Variants in PNPT1 observed in about 807,000 individuals in gnomAD.
PNPT1 encodes the protein polyribonucleotide nucleotidyltransferase 1.
Under a neutral mutation model 119.5 loss-of-function variants are expected in PNPT1, and 53 were observed. The observed-to-expected ratio is 0.44, with a 90% CI of 0.36 to 0.56. PNPT1 has a LOEUF of 0.56. Ranked by LOEUF, PNPT1 falls within the 20% of genes least tolerant of loss-of-function variation. The pLI is 0.00. For synonymous variants in PNPT1, 357 were observed against 322.1 expected (o/e 1.11, Z -1.16); for missense variants, 948 against 938.5 (o/e 1.01, Z -0.13).
Position 55,687,676 on chromosome 2 carries a change from G to A in PNPT1, c.191C>T (p.Ala64Val). 1 of 1,598,802 alleles carries A rather than the reference G, an allele frequency of 6.3e-7. No individual in the cohort carries two copies. The highest frequency in any genetic ancestry group is 8.5e-7 in the Non-Finnish European group (1 of 1,174,856). The change falls in exon 2 of 28, where the codon GCC becomes GTC. Residue 64 changes from alanine to valine, a missense_variant. Coordinates refer to ENST00000447944, the MANE Select transcript of PNPT1 (RefSeq NM_033109.5). ...RKLEISSGKLARFADGSAVVQ... is the reference protein window; with the variant it reads ...RKLEISSGKLVRFADGSAVVQ... ...TACAGCAGAGCCATCTGCAAATCTG[G>A]CCAGCTTTCCAGAAGATATTTCTAA...
intron 14 of PNPT1, among the ~76,000 whole-genome samples, chr2:55,660,921 A>G (rs1696547689): frequency 6.6e-6 from 1 of 152,060 alleles, no homozygotes; most frequent in Non-Finnish European, 1.5e-5. Context: ...GCTACTAGGA[A>G]TTATCCTCAT....
At chr2:55,676,862 C>CA (rs1233955537) in intron 8 of PNPT1, among the ~76,000 whole-genome samples, 1,414 of 103,368 alleles carry the variant, frequency 0.014, 13 homozygotes, top group Middle Eastern at 0.02. Flanking sequence ...ACCTGGTCTC[C>CA]AAAAAAAAAA....
Position 55,645,354 on chromosome 2 carries a change from A to G in PNPT1, c.1817T>C (p.Val606Ala), listed in dbSNP as rs1418145935. The stretch of plus-strand genomic sequence containing the variant: ...CTAAAATTTTAATGTATTACCTACA[A>G]CAGGTCCATTTTCTTTTCTAGATGC... The part of the protein sequence containing the change: ...PRASRKENGP[V>A]VETVQVPLSK... The change falls in exon 22 of 28, where the codon GTT (valine) becomes GCT (alanine). Residue 606 changes from valine to alanine, a missense_variant. By Grantham distance (64) the Val-to-Ala change is moderately conservative. Transcript: ENST00000447944. 6.2e-7 allele frequency: 1 copy of G among 1,604,932 alleles called. No individual in the cohort carries two copies. The highest frequency in any genetic ancestry group is 1.1e-5 in the South Asian group (1 of 90,860).
chr2:55,646,845 T>TTTATG (rs1425538222), intron 19 of PNPT1, among the ~76,000 whole-genome samples: 6 of 152,164 alleles, frequency 3.9e-5, no homozygotes, highest in Admixed American at 3.9e-4. Flanking sequence ...TTTATTTTAT[T>TTTATG]TTACTTATTT....
At chr2:55,687,488 G>A (rs2104183344) in intron 2 of PNPT1, among the ~76,000 whole-genome samples, 157 bp downstream of exon 2, 1 of 152,122 alleles carries the variant, frequency 6.6e-6, no homozygotes, top group South Asian at 2.1e-4. Context: ...GACTCTGGTT[G>A]TCTGGAATGA....
chr2:55,690,753 A>T (rs1050960619), intron 1 of PNPT1, among the ~76,000 whole-genome samples: 1 of 152,156 alleles, frequency 6.6e-6, no homozygotes, highest in African/African-American at 2.4e-5. Context: ...CTATTTATTC[A>T]ACACAGATGT....
intron 19 of PNPT1, among the ~76,000 whole-genome samples, chr2:55,646,994 C>A (rs1333181527): frequency 1.3e-5 from 2 of 152,040 alleles, no homozygotes; most frequent in Non-Finnish European, 2.9e-5. Context: ...TGCCACCATG[C>A]CCAGGCTAAT....
intron 11 of PNPT1, among the ~76,000 whole-genome samples, chr2:55,668,404 T>C (rs968482715): frequency 1.3e-5 from 2 of 151,902 alleles, no homozygotes; most frequent in African/African-American, 4.8e-5. Flanking sequence ...GCCTGGCTAA[T>C]TTTTTTGTAT....
chr2:55,640,696 AC>A lies in PNPT1; in HGVS notation c.2078del (p.Gly693ValfsTer2). The A allele has an allele frequency of 6.4e-7, 1 of 1,571,720 alleles. No individual in the cohort carries two copies. The highest frequency in any genetic ancestry group is 8.7e-7 in the Non-Finnish European group (1 of 1,143,552). On this transcript the variant is annotated frameshift_variant, in exon 26 of 28. Transcript: ENST00000447944. LOFTEE classifies it high-confidence loss of function. ...TATTTGGATATAATTTTACCATTAC[AC>A]CAGTATCTCTACAAAAAAATAAATA... Reference protein sequence around the residue: ...TATITEIRDTGVMVKLYPNMT... With the variant: ...TATITEIRDTXVMVKLYPNMT...
At chr2:55,654,419 A>T (rs112389147) in intron 18 of PNPT1, among the ~76,000 whole-genome samples, 155 of 152,340 alleles carry the variant, frequency 1.0e-3, no homozygotes, top group Non-Finnish European at 1.9e-3. Flanking sequence ...GAAAGATTAC[A>T]GTTGCTTTCT....
chr2:55,656,622 C>T lies in PNPT1; in HGVS notation c.1285-251G>A, dbSNP rs1696395900. ...ACTGGATGGGTATGGGGATTTACAC[C>T]ATAAATTTCCATTACATTTAAATTA... On this transcript the variant is annotated intron_variant, in intron 15 of 27. Transcript: ENST00000447944. Among the ~76,000 whole-genome samples the T allele has an allele frequency of 2.0e-5, 3 of 152,000 alleles. No individual in the cohort carries two copies. In the South Asian group the frequency reaches 6.2e-4, roughly 31 times the overall value.
intron 22 of PNPT1, chr2:55,645,011 T>A (rs1303958633): frequency 3.3e-6 from 1 of 304,564 alleles, no homozygotes; most frequent in African/African-American, 2.2e-5. Flanking sequence ...TATCTTACCA[T>A]GATCACTAAA....
chr2:55,640,393 T>C (rs7575862), intron 26 of PNPT1, among the ~76,000 whole-genome samples: 37 of 152,296 alleles, frequency 2.4e-4, no homozygotes, highest in African/African-American at 8.4e-4. Flanking sequence ...ACCTTGTGAT[T>C]CACCCGCCTC....
chr2:55,664,029 G>A (rs539831822), intron 13 of PNPT1, among the ~76,000 whole-genome samples: 1 of 152,222 alleles, frequency 6.6e-6, no homozygotes, highest in African/African-American at 2.4e-5. Flanking sequence ...AGGAAGTCTT[G>A]TCAGAATGAA....
chr2:55,691,320 C>G (rs1004853178), intron 1 of PNPT1, among the ~76,000 whole-genome samples: 6 of 152,180 alleles, frequency 3.9e-5, no homozygotes, highest in Non-Finnish European at 8.8e-5. Flanking sequence ...ATTAAATATA[C>G]TATCTGAAAA....
intron 12 of PNPT1, among the ~76,000 whole-genome samples, chr2:55,667,490 AG>A (rs1373107937): frequency 2.6e-5 from 4 of 151,874 alleles, no homozygotes; most frequent in African/African-American, 9.7e-5. Flanking sequence ...GCTACTCGGG[AG>A]GCTGAGGCAG....
chr2:55,646,547 C>T, intron 19 of PNPT1, 61 bp from the exon 20 acceptor site: 1 of 1,364,836 alleles, frequency 7.3e-7, no homozygotes, highest in Non-Finnish European at 1.0e-6. Flanking sequence ...AACATATTCA[C>T]TGTAGAAACA....
In PNPT1 at chr2:55,647,197, T is replaced by C. The variant is rs114335719; in HGVS notation, c.1602+150A>G. 0.045 allele frequency: 24,870 copies of C among 551,948 alleles called. 785 individuals are homozygous for C. The highest frequency in any genetic ancestry group is 0.083 in the South Asian group (2,376 of 28,624). 34.2% of individuals were successfully genotyped at this position (551,948 alleles called of 1,614,324 possible). A position where few individuals can be genotyped will look rare whatever the true frequency, so the allele number is the denominator to read the frequency against. The stretch of plus-strand genomic sequence containing the variant: ...TGCAGAGGAGGAAGGGAAGAACAAG[T>C]ACCTGTTCTTCAAATACTAGCATTC... On this transcript the variant is annotated intron_variant, in intron 19 of 27. Coordinates refer to ENST00000447944, the MANE Select transcript of PNPT1 (RefSeq NM_033109.5).
At chr2:55,676,205 G>C (rs1251784256) in intron 8 of PNPT1, among the ~76,000 whole-genome samples, 1 of 140,614 alleles carries the variant, frequency 7.1e-6, no homozygotes, top group Non-Finnish European at 1.5e-5. Context: ...GTTGCAGTGA[G>C]CCGAGATTGC....
Sources: allele counts gnomAD v4.1 joint callset (sites outside exome capture counted in the v4.1 genomes callset), GRCh38; gene constraint gnomAD v4.1.1; transcripts MANE v1.5; gene names NCBI Gene and HGNC (gene_info 2026-07-23, HGNC 2026-07-21).